Variants in ANKRD24 observed in about 807,000 individuals in gnomAD.
The protein encoded by ANKRD24 is ankyrin repeat domain 24.
ANKRD24 carries 109 observed loss-of-function variants against 127.8 expected under a neutral mutation model. The ratio of observed to expected loss-of-function variants is 0.85; its 90% CI spans 0.73 to 1.00. The LOEUF (loss-of-function observed/expected upper bound fraction) is 1.00. Ranked by LOEUF, ANKRD24 falls within the 50% of genes least tolerant of loss-of-function variation. The probability of loss-of-function intolerance (pLI) is 0.00; values close to 1 mark genes in which losing one functional copy is unlikely to be tolerated. For missense variants in ANKRD24, 1,648 were observed against 1,570.2 expected, an observed-to-expected ratio of 1.05 and a Z score of -0.84; for synonymous variants, 743 against 671.1, an observed-to-expected ratio of 1.11 and a Z score of -1.66.
chr19:4,213,318 CTCCT>C (rs1375564636), intron 15 of ANKRD24, among the ~76,000 whole-genome samples: 8 of 146,242 alleles, frequency 5.5e-5, no homozygotes, highest in Non-Finnish European at 9.0e-5. Flanking sequence ...CCCTCCCTCC[CTCCT>C]TCCCTTCCTT....
Position 4,223,397 on chromosome 19 carries a change from ATATATTTT to A in ANKRD24, c.3297+604_3297+611del, listed in dbSNP as rs1219661228. 1.6e-3 allele frequency among the ~76,000 whole-genome samples: 90 copies of A among 54,802 alleles called. 1 individual carries two copies. The highest frequency in any genetic ancestry group is 0.01 in the Middle Eastern group (1 of 100). 36.0% of individuals were successfully genotyped at this position (54,802 alleles called of 152,430 possible). A position where few individuals can be genotyped will look rare whatever the true frequency, so the allele number is the denominator to read the frequency against. ...CATATATATATATATATATATATAT[ATATATTTT>A]TTTTTTTTTTTTTTTGAGCCAGTCT... is the stretch of plus-strand genomic sequence containing the variant. On this transcript the variant is annotated intron_variant, in intron 20 of 21. Transcript: ENST00000318934.
At chr19:4,186,218 A>C (rs2159982) in intron 1 of ANKRD24, 172 bp from the exon 2 acceptor site, 214,042 of 1,390,398 alleles carry the variant, frequency 0.15, 20,671 homozygotes, top group East Asian at 0.54. Context: ...GGGCAAGTAA[A>C]CTGCCAAAGG....
At chr19:4,219,883 A>G in intron 19 of ANKRD24, 125 bp downstream of exon 19, 5 of 1,182,692 alleles carry the variant, frequency 4.2e-6, no homozygotes, top group Non-Finnish European at 5.7e-6. Context: ...AGGGAAACTG[A>G]GGCTCAGAAA....
rs1051275707 is a variant in ANKRD24 at position 4,198,656 on chromosome 19, C to T, written c.37-1027C>T. ...CAGACCCGGGAAAGATGGTCGGCGG[C>T]GGGGGGTGGGGGGGAACAGAGGTTG... On this transcript the variant is annotated intron_variant, in intron 2 of 21. Coordinates refer to ENST00000318934, the MANE Select transcript of ANKRD24 (RefSeq NM_001393985.1). The surrounding 1 kb of genome is among the most constrained non-coding windows in gnomAD (Gnocchi z 6.1). 2.8e-5 allele frequency: 11 copies of T among 390,432 alleles called. No homozygotes were observed. Among genetic ancestry groups the T allele is most frequent in the African/African-American group, 1.3e-4 (6 of 46,162 alleles). 24.2% of individuals were successfully genotyped at this position (390,432 alleles called of 1,614,324 possible).
intron 2 of ANKRD24, 57 bp downstream of exon 2, chr19:4,186,518 C>T: frequency 1.3e-6 from 2 of 1,551,982 alleles, no homozygotes; most frequent in South Asian, 1.2e-5. Context: ...CTTCTGTCTC[C>T]TGGGGCTTGG....
intron 2 of ANKRD24, among the ~76,000 whole-genome samples, chr19:4,187,860 G>A (rs1308133168): frequency 6.6e-6 from 1 of 152,198 alleles, no homozygotes; most frequent in Non-Finnish European, 1.5e-5. Context: ...GGAGGATTTA[G>A]AGAAGTGAAG....
chr19:4,186,298 G>A, intron 1 of ANKRD24, 92 bp from the exon 2 acceptor site: 1 of 1,516,778 alleles, frequency 6.6e-7, no homozygotes, highest in Non-Finnish European at 8.8e-7. Flanking sequence ...CAGGAAGGAG[G>A]AAGCGGTCCT....
rs889727892 is a variant in ANKRD24, at chr19:4,208,897, C to T, written c.870+96C>T. ...TCTGTGAGAAGAGAAGGAAGTTAGA[C>T]CTGGGAAAACCTGTTTGGAAAGAAT... On this transcript the variant is annotated intron_variant, in intron 11 of 21. Coordinates refer to ENST00000318934, the MANE Select transcript of ANKRD24 (RefSeq NM_001393985.1). The T allele has an allele frequency of 4.6e-6, 6 of 1,315,702 alleles. No individual in the cohort carries two copies. In the Middle Eastern group the frequency reaches 5.5e-4, roughly 121 times the overall value. The allele number at this position is 1,315,702 out of a possible 1,614,324, so 81.5% of individuals were successfully genotyped here. A position where few individuals can be genotyped will look rare whatever the true frequency, so the allele number is the denominator to read the frequency against.
intron 2 of ANKRD24, among the ~76,000 whole-genome samples, chr19:4,197,199 G>T (rs2145263226): frequency 6.6e-6 from 1 of 152,284 alleles, no homozygotes; most frequent in South Asian, 2.1e-4. Context: ...GAAAGGCTGG[G>T]GCAGGGGCGG....
intron 13 of ANKRD24, among the ~76,000 whole-genome samples, chr19:4,210,710 C>CACTTCCCATGCCT (rs1969675452): frequency 1.0e-5 from 1 of 96,144 alleles, no homozygotes; most frequent in African/African-American, 3.9e-5. Context: ...TCGCCAAAGA[C>CACTTCCCATGCCT]ACTTCCCATG....
At chr19:4,213,088 A>C (rs564833519) in intron 15 of ANKRD24, among the ~76,000 whole-genome samples, 1 of 152,192 alleles carries the variant, frequency 6.6e-6, no homozygotes, top group East Asian at 1.9e-4. Flanking sequence ...CTGAGGTCGC[A>C]CCACTGCACT....
At chr19:4,212,381 G>A (rs1287521361) in intron 13 of ANKRD24, 94 bp from the exon 14 acceptor site, 32 of 1,417,978 alleles carry the variant, frequency 2.3e-5, no homozygotes, top group Non-Finnish European at 2.7e-5. Context: ...CGTGGAATGC[G>A]TGAATGTGCA....
rs900281078 is a variant in ANKRD24, at chr19:4,201,779, C to T, written c.344-247C>T. 3.9e-5 allele frequency among the ~76,000 whole-genome samples: 6 copies of T among 151,996 alleles called. No homozygotes were observed. The East Asian group carries it at 5.8e-4, about 15-fold the overall frequency. The stretch of plus-strand genomic sequence containing the variant: ...GCACTTGCTTGTAGTCCCAGCTACT[C>T]GGAAGGCTGAGACAGGAGGATCGCT... On this transcript the variant is annotated intron_variant, in intron 5 of 21. Transcript: ENST00000318934.
chr19:4,223,651 G>A lies in ANKRD24; in HGVS notation c.3298-476G>A, dbSNP rs113344893. Among the ~76,000 whole-genome samples the A allele has an allele frequency of 4.5e-3, 687 of 151,768 alleles. 5 individuals are homozygous for A. Among genetic ancestry groups the A allele is most frequent in the African/African-American group, 0.016 (650 of 41,352 alleles). ...ACGATCTCAGCTCACTGCAACCTCC[G>A]CCTCCCGGGTTCAAGCGATTCTCCT... On this transcript the variant is annotated intron_variant, in intron 20 of 21. Coordinates refer to ENST00000318934, the MANE Select transcript of ANKRD24 (RefSeq NM_001393985.1).
intron 20 of ANKRD24, among the ~76,000 whole-genome samples, chr19:4,223,395 A>T (rs1454927588): frequency 0.011 from 666 of 58,854 alleles, 25 homozygotes; most frequent in African/African-American, 0.038. Flanking sequence ...ATATATATAT[A>T]TATATATTTT....
In ANKRD24 at chr19:4,198,660, G is replaced by A; in HGVS notation, c.37-1023G>A. 2.5e-6 allele frequency: 1 copy of A among 402,428 alleles called. No individual in the cohort carries two copies. Among genetic ancestry groups the A allele is most frequent in the South Asian group, 8.5e-5 (1 of 11,754 alleles). 24.9% of individuals were successfully genotyped at this position (402,428 alleles called of 1,614,324 possible). ...CCCGGGAAAGATGGTCGGCGGCGGGGGGTGGGGGGGAACAGAGGTTGGGGC... is the reference window on the plus strand; with the variant it reads ...CCCGGGAAAGATGGTCGGCGGCGGGAGGTGGGGGGGAACAGAGGTTGGGGC... On this transcript the variant is annotated intron_variant, in intron 2 of 21. Transcript: ENST00000318934. This position sits in a 1 kb window ranked among gnomAD's most constrained non-coding sequence, Gnocchi z 6.1.
Position 4,224,446 on chromosome 19 carries a change from G to A in ANKRD24, c.3382G>A (p.Val1128Met). The A allele has an allele frequency of 6.2e-7, 1 of 1,613,480 alleles. No individual in the cohort carries two copies. Among genetic ancestry groups the A allele is most frequent in the East Asian group, 2.2e-5 (1 of 44,874 alleles). ...YAIQGQMDED[V>M]QRILSQILQM... ...ACCCTAGGGCCAGATGGATGAAGAT[G>A]TGCAGCGGATTCTCAGCCAGATTCT... Residue 1128 changes from valine to methionine, a missense_variant, in exon 22 of 22, where the codon GTG becomes ATG. Val to Met is a conservative substitution (Grantham distance 21). Transcript: ENST00000318934.
intron 10 of ANKRD24, among the ~76,000 whole-genome samples, chr19:4,208,225 T>TG (rs1969506382): frequency 6.6e-6 from 1 of 151,990 alleles, no homozygotes; most frequent in Non-Finnish European, 1.5e-5. Flanking sequence ...CACCCCCTGC[T>TG]GGGCAAGGTG....
At chr19:4,214,172 CTTTTTTTTTT>C (rs11367695) in intron 15 of ANKRD24, among the ~76,000 whole-genome samples, 1 of 147,060 alleles carries the variant, frequency 6.8e-6, no homozygotes, top group African/African-American at 2.5e-5. Context: ...ACAAATATTT[CTTTTTTTTTT>C]TTGAGACAGG....
Sources: allele counts gnomAD v4.1 joint callset (sites outside exome capture counted in the v4.1 genomes callset), GRCh38; gene constraint gnomAD v4.1.1; non-coding constraint Gnocchi (gnomAD v3.1); transcripts MANE v1.5; gene names NCBI Gene and HGNC (gene_info 2026-07-23, HGNC 2026-07-21).